BTBD1: variants seen among roughly 807,000 people sequenced by gnomAD.
BTBD1 encodes the protein BTB/POZ domain-containing protein 1.
In BTBD1, 34 loss-of-function variants were observed where a neutral mutation model predicts 48.0. That is an observed-to-expected ratio of 0.71 (90% CI 0.54 to 0.94). The LOEUF is 0.94. Ranked by LOEUF, BTBD1 falls within the 40% of genes least tolerant of loss-of-function variation. The pLI is 0.00. For missense variants in BTBD1, 543 were observed against 625.6 expected, an observed-to-expected ratio of 0.87 and a Z score of 1.41; for synonymous variants, 261 against 242.1, an observed-to-expected ratio of 1.08 and a Z score of -0.72.
At chr15:83,052,724 G>A (rs934716524) in intron 2 of BTBD1, among the ~76,000 whole-genome samples, 13 of 148,376 alleles carry the variant, frequency 8.8e-5, no homozygotes, top group Non-Finnish European at 1.2e-4. Flanking sequence ...TCTGCCTCCC[G>A]GGTTCACACC....
chr15:83,046,199 C>G (rs1325144086), intron 3 of BTBD1, among the ~76,000 whole-genome samples: 1 of 152,008 alleles, frequency 6.6e-6, no homozygotes, highest in African/African-American at 2.4e-5. Context: ...AGTTCGAGAC[C>G]TACCTAGGCA....
At position 83,050,189 on chromosome 15, in the gene BTBD1, A is replaced by G; in HGVS notation, c.559-11T>C. The stretch of plus-strand genomic sequence containing the variant: ...ATCAAATAATCGAGCCTAAACATAT[A>G]AAGAGATAGTTATTTAACTTTCATA... On this transcript the variant is annotated splice_polypyrimidine_tract_variant and intron_variant, in intron 2 of 7. Coordinates refer to ENST00000261721, the MANE Select transcript of BTBD1 (RefSeq NM_025238.4). 1 of 1,558,782 alleles carries G rather than the reference A, an allele frequency of 6.4e-7. No individual in the cohort carries two copies. Among genetic ancestry groups the G allele is most frequent in the Non-Finnish European group, 8.8e-7 (1 of 1,132,782 alleles).
At chr15:83,023,273 C>A (rs925215894) in intron 5 of BTBD1, among the ~76,000 whole-genome samples, 3 of 152,088 alleles carry the variant, frequency 2.0e-5, no homozygotes, top group Non-Finnish European at 4.4e-5. Flanking sequence ...ATAATAATGC[C>A]ATGAGGAACA....
At chr15:83,051,519 A>T (rs1220150128) in intron 2 of BTBD1, among the ~76,000 whole-genome samples, 1 of 150,162 alleles carries the variant, frequency 6.7e-6, no homozygotes, top group Non-Finnish European at 1.5e-5. Flanking sequence ...CATATAACAT[A>T]AAATATGTAT....
chr15:83,046,609 A>C (rs994920827), intron 3 of BTBD1, among the ~76,000 whole-genome samples: 1 of 152,052 alleles, frequency 6.6e-6, no homozygotes, highest in African/African-American at 2.4e-5. Context: ...GCAGGCAGTA[A>C]TGCTTCAAAT....
At chr15:83,044,305 C>T (rs1021874792) in intron 3 of BTBD1, 6 of 852,606 alleles carry the variant, frequency 7.0e-6, no homozygotes, top group African/African-American at 3.4e-5. Flanking sequence ...TACCCCAGTT[C>T]GACAGCAAGC....
At chr15:83,056,887 G>C (rs556571338) in intron 1 of BTBD1, among the ~76,000 whole-genome samples, 1 of 152,082 alleles carries the variant, frequency 6.6e-6, no homozygotes, top group East Asian at 1.9e-4. Flanking sequence ...TGTAGAGACA[G>C]GTTTCACCAT....
intron 5 of BTBD1, among the ~76,000 whole-genome samples, chr15:83,025,199 C>A (rs1490572455): frequency 6.6e-6 from 1 of 151,568 alleles, no homozygotes; most frequent in African/African-American, 2.4e-5. Flanking sequence ...ATTAAAAATA[C>A]AAAAACTAGC....
chr15:83,065,752 A>C (rs1274629858), intron 1 of BTBD1, among the ~76,000 whole-genome samples: 1 of 152,212 alleles, frequency 6.6e-6, no homozygotes, highest in Non-Finnish European at 1.5e-5. Context: ...AACAATTCTT[A>C]CGCCTCCCTA....
intron 4 of BTBD1, among the ~76,000 whole-genome samples, chr15:83,040,699 CAA>C (rs71156070): frequency 7.0e-5 from 4 of 57,222 alleles, no homozygotes; most frequent in Non-Finnish European, 1.1e-4. Flanking sequence ...GACCCTGTCT[CAA>C]AAAAAAAAAA....
intron 5 of BTBD1, chr15:83,028,516 A>G (rs1174804274): frequency 6.6e-6 from 1 of 152,130 alleles, no homozygotes; most frequent in Non-Finnish European, 1.5e-5. Context: ...TCTGATGCCT[A>G]TATAAGGGTT....
rs1178762435 is a variant in BTBD1 at position 83,054,563 on chromosome 15, C to CTT, written c.558+1824_558+1825dup. ...TTTTAAAAGGTACCAAACATTTTTT[C>CTT]TTTTTTTTTTTTTTTTTGAGACAGA... On this transcript the variant is annotated intron_variant, in intron 2 of 7. Coordinates refer to ENST00000261721, the MANE Select transcript of BTBD1 (RefSeq NM_025238.4). 3.6e-3 allele frequency among the ~76,000 whole-genome samples: 472 copies of CTT among 130,430 alleles called. 3 individuals are homozygous for CTT. Among genetic ancestry groups the CTT allele is most frequent in the African/African-American group, 0.01 (362 of 34,988 alleles). 85.6% of individuals were successfully genotyped at this position (130,430 alleles called of 152,430 possible). A position where few individuals can be genotyped will look rare whatever the true frequency, so the allele number is the denominator to read the frequency against.
intron 4 of BTBD1, chr15:83,030,730 C>G (rs1041261372): frequency 6.5e-6 from 1 of 154,422 alleles, no homozygotes; most frequent in Middle Eastern, 3.3e-3. Flanking sequence ...ACTAAGAACC[C>G]AAAAGCAAAT....
intron 3 of BTBD1, among the ~76,000 whole-genome samples, chr15:83,046,849 CAACT>C (rs371682876): frequency 6.6e-6 from 1 of 152,136 alleles, no homozygotes; most frequent in African/African-American, 2.4e-5. Flanking sequence ...TGCAATACAT[CAACT>C]AACAACAGGA....
At chr15:83,031,795 T>C (rs1180370158) in intron 4 of BTBD1, among the ~76,000 whole-genome samples, 1 of 150,822 alleles carries the variant, frequency 6.6e-6, no homozygotes, top group Non-Finnish European at 1.5e-5. Flanking sequence ...AAAAAGAAGA[T>C]ATACAAGCGG....
chr15:83,050,188 TAA>T lies in BTBD1; in HGVS notation c.559-12_559-11del, dbSNP rs1567110612. The T allele has an allele frequency of 2.6e-6, 4 of 1,562,060 alleles. No homozygotes were observed. Among genetic ancestry groups the T allele is most frequent in the African/African-American group, 1.4e-5 (1 of 74,058 alleles). The stretch of plus-strand genomic sequence containing the variant: ...CATCAAATAATCGAGCCTAAACATA[TAA>T]AGAGATAGTTATTTAACTTTCATAG... On this transcript the variant is annotated splice_polypyrimidine_tract_variant and intron_variant, in intron 2 of 7. Transcript: ENST00000261721.
intron 2 of BTBD1, among the ~76,000 whole-genome samples, chr15:83,055,054 T>A (rs2033059597): frequency 6.6e-6 from 1 of 152,188 alleles, no homozygotes; most frequent in Admixed American, 6.5e-5. Context: ...TCAAATGGGA[T>A]ATTTTATCAC....
intron 4 of BTBD1, among the ~76,000 whole-genome samples, chr15:83,035,163 G>A (rs1313988987): frequency 1.2e-4 from 18 of 151,998 alleles, no homozygotes; most frequent in Non-Finnish European, 2.2e-4. Context: ...GCGTGGCACC[G>A]CATGCCTGTA....
intron 1 of BTBD1, among the ~76,000 whole-genome samples, chr15:83,061,181 C>T (rs1438421452): frequency 6.6e-6 from 1 of 152,150 alleles, no homozygotes; most frequent in African/African-American, 2.4e-5. Flanking sequence ...GGCTACAAAC[C>T]AGTACAGGAT....
Sources: allele counts gnomAD v4.1 joint callset (sites outside exome capture counted in the v4.1 genomes callset), GRCh38; gene constraint gnomAD v4.1.1; transcripts MANE v1.5; gene names NCBI Gene and HGNC (gene_info 2026-07-23, HGNC 2026-07-21).